Variants in GANC observed in about 807,000 individuals in gnomAD.
GANC encodes glucosidase alpha, neutral C.
Under a neutral mutation model 124.2 loss-of-function variants are expected in GANC, and 117 were observed. The observed-to-expected ratio is 0.94, with a 90% CI of 0.81 to 1.10. GANC has a LOEUF of 1.10. GANC is among the 50% of genes least tolerant of loss of function. The pLI is 0.00. For missense variants in GANC, 1,140 were observed against 1,095.0 expected (o/e 1.04, Z -0.58); for synonymous variants, 377 against 376.8 (o/e 1.00, Z -0.01).
chr15:42,317,959 A>G (rs1015137671), intron 10 of GANC, among the ~76,000 whole-genome samples: 1 of 152,166 alleles, frequency 6.6e-6, no homozygotes, highest in Non-Finnish European at 1.5e-5. Flanking sequence ...CATATACCAT[A>G]CCCTCCTCCG....
Position 42,339,846 on chromosome 15 carries a change from A to C in GANC, c.2021A>C (p.Tyr674Ser). The change falls in exon 17 of 24, where the codon TAT becomes TCT. Residue 674 changes from tyrosine (Y) to serine (S), a missense_variant. Tyr to Ser is a moderately radical substitution (Grantham distance 144). Coordinates refer to ENST00000318010, the MANE Select transcript of GANC (RefSeq NM_198141.3). ...ATCCGAGAAGCCATCAGAGAGCGCTATGGCCTCCTGCCATATTGGTATTCT... is the reference window on the plus strand; with the variant it reads ...ATCCGAGAAGCCATCAGAGAGCGCTCTGGCCTCCTGCCATATTGGTATTCT... ...RLIREAIRER[Y>S]GLLPYWYSLF... 1 of 1,614,136 alleles carries C rather than the reference A, an allele frequency of 6.2e-7. No individual in the cohort carries two copies. The highest frequency in any genetic ancestry group is 1.1e-5 in the South Asian group (1 of 91,082).
chr15:42,339,981 A>C, intron 17 of GANC, 69 bp downstream of exon 17: 1 of 1,507,016 alleles, frequency 6.6e-7, no homozygotes, highest in South Asian at 1.3e-5. Flanking sequence ...GTGATTAAAG[A>C]ATGCAATAAT....
chr15:42,294,634 A>G (rs2051874099), intron 5 of GANC, among the ~76,000 whole-genome samples: 1 of 151,116 alleles, frequency 6.6e-6, no homozygotes, highest in African/African-American at 2.5e-5. Flanking sequence ...TTCAGAAACA[A>G]TTTATGTATA....
chr15:42,345,905 C>T, intron 20 of GANC, 73 bp downstream of exon 20: 2 of 1,032,608 alleles, frequency 1.9e-6, no homozygotes, highest in Non-Finnish European at 1.5e-6. Context: ...TGACAAAATA[C>T]CACAGACTGG....
Position 42,353,554 on chromosome 15 carries a change from G to A in GANC, c.*1415G>A. On this transcript the variant is annotated 3_prime_UTR_variant, in exon 24 of 24. Coordinates refer to ENST00000318010, the MANE Select transcript of GANC (RefSeq NM_198141.3). ...TAGATTGTATGTCCCTCAAGAGCAT[G>A]TTCTGTTTCTCTTCTGTCTGACAGA... The A allele has an allele frequency of 1.0e-6, 1 of 984,548 alleles. No individual in the cohort carries two copies. The highest frequency in any genetic ancestry group is 1.2e-6 in the Non-Finnish European group (1 of 828,854). The allele number at this position is 984,548 out of a possible 1,614,324, so 61.0% of individuals were successfully genotyped here. A position where few individuals can be genotyped will look rare whatever the true frequency, so the allele number is the denominator to read the frequency against.
intron 19 of GANC, among the ~76,000 whole-genome samples, chr15:42,344,361 G>A (rs1444349079): frequency 1.3e-5 from 2 of 152,104 alleles, no homozygotes; most frequent in African/African-American, 4.8e-5. Flanking sequence ...TTGTAGCCAC[G>A]TCACTGCAGT....
intron 3 of GANC, chr15:42,283,775 T>C (rs909028891): frequency 5.7e-6 from 4 of 702,482 alleles, no homozygotes; most frequent in African/African-American, 1.7e-5. Flanking sequence ...AAGGCACAAC[T>C]ACCGCTTATT....
At chr15:42,321,639 T>C (rs1490038416) in intron 10 of GANC, 146 bp from the exon 11 acceptor site, 1 of 709,408 alleles carries the variant, frequency 1.4e-6, no homozygotes, top group African/African-American at 1.8e-5. Flanking sequence ...GTCACTTCCT[T>C]AAAGGCAAGG....
intron 8 of GANC, 77 bp downstream of exon 8, chr15:42,308,395 T>C (rs1418111185): frequency 2.5e-5 from 24 of 959,938 alleles, no homozygotes; most frequent in Admixed American, 3.6e-5. Flanking sequence ...GTGAGCTGTC[T>C]GAGCCAGTGC....
chr15:42,273,581 T>C lies in GANC; in HGVS notation c.-901T>C. On this transcript the variant is annotated 5_prime_UTR_variant, in exon 1 of 24. Coordinates refer to ENST00000318010, the MANE Select transcript of GANC (RefSeq NM_198141.3). ...TCTGTGCGCCGTGAGACTTTGGACC[T>C]ACTGCGCAGGCGTCATCCTGTTGGA... The C allele has an allele frequency of 9.5e-7, 1 of 1,057,626 alleles. No individual in the cohort carries two copies. The allele number at this position is 1,057,626 out of a possible 1,614,324, so 65.5% of individuals were successfully genotyped here.
At chr15:42,290,866 A>G (rs992445819) in intron 4 of GANC, among the ~76,000 whole-genome samples, 3 of 152,168 alleles carry the variant, frequency 2.0e-5, no homozygotes, top group Non-Finnish European at 4.4e-5. Context: ...AGAGTTGGGT[A>G]ATTCTAAATA....
intron 10 of GANC, among the ~76,000 whole-genome samples, chr15:42,319,024 C>A: frequency 6.6e-6 from 1 of 151,640 alleles, no homozygotes; most frequent in East Asian, 1.9e-4. Flanking sequence ...TCCTTTTTTT[C>A]TTTCTACTCT....
At position 42,273,520 on chromosome 15, in the gene GANC, G is replaced by C; in HGVS notation, c.-962G>C. ...CCTGGAAACGTCGCGGAGCTTGTTT[G>C]CTGTGCGGCGTAGCGGCCCCTCTCT... On this transcript the variant is annotated 5_prime_UTR_variant, in exon 1 of 24. Coordinates refer to ENST00000318010, the MANE Select transcript of GANC (RefSeq NM_198141.3). 1 of 1,481,102 alleles carries C rather than the reference G, an allele frequency of 6.8e-7. No homozygotes were observed. Among genetic ancestry groups the C allele is most frequent in the Middle Eastern group, 2.2e-4 (1 of 4,486 alleles). The allele number at this position is 1,481,102 out of a possible 1,614,324, so 91.7% of individuals were successfully genotyped here. A position where few individuals can be genotyped will look rare whatever the true frequency, so the allele number is the denominator to read the frequency against.
chr15:42,279,108 T>G (rs569570593), intron 3 of GANC, among the ~76,000 whole-genome samples: 1 of 152,388 alleles, frequency 6.6e-6, no homozygotes, highest in Admixed American at 6.5e-5. Context: ...TCAGATGTTT[T>G]CCTAAATGTC....
intron 15 of GANC, among the ~76,000 whole-genome samples, chr15:42,331,946 G>A (rs1436787204): frequency 2.6e-5 from 4 of 152,048 alleles, no homozygotes; most frequent in Admixed American, 6.6e-5. Context: ...TGTATTAGAT[G>A]TACATATTTT....
In GANC at chr15:42,310,796, T is replaced by C; in HGVS notation, c.1007T>C (p.Leu336Pro). ...AGTGGCATCATTGATGTTTTTCTGC[T>C]GACAGGACCTACACCTTCTGATGTC... Reference protein sequence around the residue: ...SESGIIDVFLLTGPTPSDVFK... With the variant: ...SESGIIDVFLPTGPTPSDVFK... Residue 336 changes from leucine (L) to proline (P), a missense_variant, in exon 10 of 24, where the codon CTG (leucine) becomes CCG (proline). Coordinates refer to ENST00000318010, the MANE Select transcript of GANC (RefSeq NM_198141.3). 2 of 1,614,020 alleles carry C rather than the reference T, an allele frequency of 1.2e-6. No individual in the cohort carries two copies. The highest frequency in any genetic ancestry group is 1.7e-6 in the Non-Finnish European group (2 of 1,179,942).
At chr15:42,283,879 C>T (rs2051759986) in intron 3 of GANC, 6 of 702,488 alleles carry the variant, frequency 8.5e-6, no homozygotes, top group Non-Finnish European at 1.6e-5. Flanking sequence ...GGCCAGTTGT[C>T]CTTGGGGAAC....
At position 42,340,774 on chromosome 15, in the gene GANC, T is replaced by G. The variant is rs555183048; in HGVS notation, c.2152+20T>G. The G allele has an allele frequency of 3.5e-5, 55 of 1,582,750 alleles. No individual in the cohort carries two copies. The highest frequency in any genetic ancestry group is 4.0e-5 in the Non-Finnish European group (47 of 1,172,378). On this transcript the variant is annotated intron_variant, in intron 18 of 23. Coordinates refer to ENST00000318010, the MANE Select transcript of GANC (RefSeq NM_198141.3). ...TGCTGGGTGAGCATTTCTGTTTTTT[T>G]TTTTTTTTTTGAGACGGAGTCTCAC...
intron 12 of GANC, 48 bp from the exon 13 acceptor site, chr15:42,327,315 G>T: frequency 7.1e-7 from 1 of 1,406,970 alleles, no homozygotes; most frequent in Non-Finnish European, 9.9e-7. Context: ...GCATCCTACT[G>T]TGAGGACCAC....
Sources: gnomAD v4.1 joint callset for allele counts (sites outside exome capture counted in the v4.1 genomes callset) on GRCh38, gnomAD v4.1.1 for gene constraint, MANE v1.5 for transcripts, NCBI Gene and HGNC (gene_info 2026-07-23, HGNC 2026-07-21) for gene names.